SLC30A6: variants seen among roughly 807,000 people sequenced by gnomAD.
The protein encoded by SLC30A6 is solute carrier family 30 member 6, also known as zinc transporter 6.
A neutral mutation model predicts 63.0 loss-of-function variants in SLC30A6; 55 were observed. The observed-to-expected ratio is 0.87, with a 90% CI of 0.70 to 1.09. The LOEUF (loss-of-function observed/expected upper bound fraction) is 1.09. Ranked by LOEUF, SLC30A6 falls within the 50% of genes least tolerant of loss-of-function variation. The probability of loss-of-function intolerance (pLI) is 0.00; values close to 1 mark genes in which losing one functional copy is unlikely to be tolerated. For synonymous variants in SLC30A6, 224 were observed against 186.1 expected (o/e 1.20, Z -1.66); for missense variants, 587 against 549.2 (o/e 1.07, Z -0.69).
chr2:32,204,271 A>G (rs746504290), intron 10 of SLC30A6, among the ~76,000 whole-genome samples: 2 of 152,216 alleles, frequency 1.3e-5, no homozygotes, highest in African/African-American at 2.4e-5. Context: ...AAATAAACAT[A>G]TTTCAGCTCT....
intron 10 of SLC30A6, among the ~76,000 whole-genome samples, chr2:32,199,892 G>T (rs565255786): frequency 6.6e-6 from 1 of 152,000 alleles, no homozygotes; most frequent in African/African-American, 2.4e-5. Context: ...AGGCGGCTGG[G>T]TCGCCTGAGG....
Position 32,206,892 on chromosome 2 carries a change from C to A in SLC30A6, c.775C>A (p.Pro259Thr). ...YSGKVLLQTT[P>T]PHVIGQLDKL... Reference sequence around the variant, plus strand: ...TTATTGTATTTTTCCCCAGACAACACCACCCCATGTTATTGGTCAGTTGGA... The same window carrying A: ...TTATTGTATTTTTCCCCAGACAACAACACCCCATGTTATTGGTCAGTTGGA... Residue 259 changes from proline to threonine, a missense_variant, in exon 12 of 14, where the codon CCA becomes ACA. By Grantham distance (38) the Pro-to-Thr change is conservative. Transcript: ENST00000282587. 1 of 1,611,556 alleles carries A rather than the reference C, an allele frequency of 6.2e-7. No individual in the cohort carries two copies. The highest frequency in any genetic ancestry group is 8.5e-7 in the Non-Finnish European group (1 of 1,177,802).
chr2:32,218,666 C>T (rs1318134822), intron 13 of SLC30A6, among the ~76,000 whole-genome samples: 1 of 152,154 alleles, frequency 6.6e-6, no homozygotes, highest in African/African-American at 2.4e-5. Context: ...AAGTGATTTT[C>T]CTGCCTCAGC....
chr2:32,192,946 A>C lies in SLC30A6; in HGVS notation c.394A>C (p.Ile132Leu). The C allele has an allele frequency of 6.6e-7, 1 of 1,517,688 alleles. No homozygotes were observed. 94.0% of individuals were successfully genotyped at this position (1,517,688 alleles called of 1,614,324 possible). A position where few individuals can be genotyped will look rare whatever the true frequency, so the allele number is the denominator to read the frequency against. The part of the protein sequence containing the change: ...SAERFLEQPE[I>L]HTGRLLVGTF... ...AGAACGCTTTTTGGAACAGCCCGAG[A>C]TACACACGTGAGATTTTATTTTCAA... The change falls in exon 7 of 14, where the codon ATA (isoleucine) becomes CTA (leucine). Residue 132 changes from isoleucine to leucine, a missense_variant. Physicochemically the swap from Ile to Leu is conservative, Grantham distance 5. Coordinates refer to ENST00000282587, the MANE Select transcript of SLC30A6 (RefSeq NM_017964.5).
At chr2:32,206,973 C>A (rs1001990525) in intron 12 of SLC30A6, 40 bp downstream of exon 12, 13 of 1,486,164 alleles carry the variant, frequency 8.7e-6, no homozygotes, top group Non-Finnish European at 1.2e-5. Context: ...TATTTTATAT[C>A]AGGGAATTGA....
At chr2:32,191,158 A>G (rs1683290052) in intron 5 of SLC30A6, among the ~76,000 whole-genome samples, 1 of 152,168 alleles carries the variant, frequency 6.6e-6, no homozygotes, top group Non-Finnish European at 1.5e-5. Context: ...TTCCATATGC[A>G]TTTTAATATC....
chr2:32,189,799 G>C (rs1340416457), intron 5 of SLC30A6, among the ~76,000 whole-genome samples: 2 of 151,590 alleles, frequency 1.3e-5, no homozygotes, highest in Non-Finnish European at 2.9e-5. Context: ...TTTGGAGTCA[G>C]GGGTCTCACC....
At chr2:32,190,729 A>G (rs1438852017) in intron 5 of SLC30A6, among the ~76,000 whole-genome samples, 3 of 152,132 alleles carry the variant, frequency 2.0e-5, no homozygotes, top group Middle Eastern at 3.2e-3. Context: ...GGTTCAAGCA[A>G]TTCTCGTGCC....
At chr2:32,167,418 C>A (rs1378669412) in intron 1 of SLC30A6, among the ~76,000 whole-genome samples, 1 of 147,290 alleles carries the variant, frequency 6.8e-6, no homozygotes, top group South Asian at 2.1e-4. Context: ...TACATGTATG[C>A]AACATCCGTA....
At chr2:32,170,700 G>T (rs1012634795) in intron 1 of SLC30A6, among the ~76,000 whole-genome samples, 1 of 152,194 alleles carries the variant, frequency 6.6e-6, no homozygotes, top group Non-Finnish European at 1.5e-5. Flanking sequence ...CCAGGCTCAA[G>T]AGATTCTCAC....
At chr2:32,194,471 TG>T (rs2148858182) in intron 8 of SLC30A6, among the ~76,000 whole-genome samples, 1 of 152,374 alleles carries the variant, frequency 6.6e-6, no homozygotes, top group East Asian at 1.9e-4. Context: ...TCTTTTATTT[TG>T]AAGTATTTAC....
In SLC30A6 at chr2:32,224,332, C is replaced by T. The variant is rs1686303532; in HGVS notation, c.*3619C>T. 3.3e-6 allele frequency: 2 copies of T among 608,484 alleles called. No homozygotes were observed. The highest frequency in any genetic ancestry group is 6.7e-5 in the Admixed American group (2 of 29,874). 37.7% of individuals were successfully genotyped at this position (608,484 alleles called of 1,614,324 possible). A position where few individuals can be genotyped will look rare whatever the true frequency, so the allele number is the denominator to read the frequency against. ...CTAGTAGGAGAGCTAAGACACAAAA[C>T]TGTTGCATGTTTTTAATCATCAAAT... is the stretch of plus-strand genomic sequence containing the variant. On this transcript the variant is annotated 3_prime_UTR_variant, in exon 14 of 14. Coordinates refer to ENST00000282587, the MANE Select transcript of SLC30A6 (RefSeq NM_017964.5).
intron 5 of SLC30A6, chr2:32,187,406 A>G (rs950734573): frequency 5.3e-6 from 2 of 375,386 alleles, no homozygotes; most frequent in African/African-American, 2.1e-5. Context: ...TGGAACAGGC[A>G]TCAGTCTTTA....
At chr2:32,185,079 A>G (rs1474958894) in intron 5 of SLC30A6, among the ~76,000 whole-genome samples, 1 of 152,092 alleles carries the variant, frequency 6.6e-6, no homozygotes, top group Non-Finnish European at 1.5e-5. Context: ...TGTTTCCATA[A>G]TTACTGAGGC....
intron 6 of SLC30A6, 80 bp downstream of exon 6, chr2:32,192,496 C>A: frequency 1.6e-6 from 2 of 1,252,150 alleles, no homozygotes; most frequent in Non-Finnish European, 2.3e-6. Context: ...GACACATTTG[C>A]TTTCAAGGGT....
At position 32,173,047 on chromosome 2, in the gene SLC30A6, G is replaced by T. The variant is rs373673316; in HGVS notation, c.91-1016G>T. Among the ~76,000 whole-genome samples the T allele has an allele frequency of 8.5e-5, 13 of 152,226 alleles. No individual in the cohort carries two copies. The East Asian group carries it at 1.2e-3, about 14-fold the overall frequency. ...ACTGAAAGATGATGTCCCTATAATT[G>T]TTCTGTTTCTTACATCATTGTTTTT... On this transcript the variant is annotated intron_variant, in intron 2 of 13. Transcript: ENST00000282587.
At chr2:32,197,541 T>C (rs1558404235) in intron 9 of SLC30A6, 149 bp downstream of exon 9, 1 of 1,284,342 alleles carries the variant, frequency 7.8e-7, no homozygotes, top group South Asian at 1.3e-5. Flanking sequence ...TTTTAATTGA[T>C]ACAAAAGAGA....
chr2:32,202,730 AT>A (rs1684405284), intron 10 of SLC30A6: 1 of 694,394 alleles, frequency 1.4e-6, no homozygotes, highest in Non-Finnish European at 2.6e-6. Context: ...TTATTCATGA[AT>A]TCTACAAAAC....
chr2:32,219,316 G>A (rs982447757), intron 13 of SLC30A6, among the ~76,000 whole-genome samples: 2 of 151,754 alleles, frequency 1.3e-5, no homozygotes, highest in African/African-American at 2.4e-5. Flanking sequence ...GATTACAGGC[G>A]TGAGTCACCA....
Sources: gnomAD v4.1 joint callset for allele counts (sites outside exome capture counted in the v4.1 genomes callset) on GRCh38, gnomAD v4.1.1 for gene constraint, MANE v1.5 for transcripts, NCBI Gene and HGNC (gene_info 2026-07-23, HGNC 2026-07-21) for gene names.